The following KDM3B variants were observed in gnomAD, a reference collection of about 807,000 sequenced individuals.
KDM3B encodes lysine-specific demethylase 3B.
A neutral mutation model predicts 170.0 loss-of-function variants in KDM3B; 10 were observed. The ratio of observed to expected loss-of-function variants is 0.06; its 90% CI spans 0.04 to 0.10. KDM3B has a LOEUF of 0.10. Among genes scored for constraint, KDM3B ranks in the 10% least tolerant of loss-of-function variants. The pLI, the probability that KDM3B is intolerant of heterozygous loss-of-function variation, is 1.00. For synonymous variants in KDM3B, 831 were observed against 834.8 expected, an observed-to-expected ratio of 1.00 and a Z score of 0.08; for missense variants, 1,394 against 2,195.2, an observed-to-expected ratio of 0.64 and a Z score of 7.29.
At chr5:138,431,397 T>G in intron 22 of KDM3B, 28 bp from the exon 23 acceptor site, 1 of 1,544,072 alleles carries the variant, frequency 6.5e-7, no homozygotes, top group Non-Finnish European at 8.8e-7. Context: ...ATGTCTGATA[T>G]TTCTCCTCTG....
At chr5:138,407,882 A>G (rs1332409327) in intron 11 of KDM3B, among the ~76,000 whole-genome samples, 1 of 152,200 alleles carries the variant, frequency 6.6e-6, no homozygotes, top group Non-Finnish European at 1.5e-5. Flanking sequence ...AGAGCGGGGA[A>G]TGATACAGGT....
At chr5:138,362,116 T>TC (rs1425440169) in intron 1 of KDM3B, among the ~76,000 whole-genome samples, 1 of 152,038 alleles carries the variant, frequency 6.6e-6, no homozygotes, top group Non-Finnish European at 1.5e-5. Context: ...GGCCAGGAGT[T>TC]CGAGACCAGT....
rs756719252 is a variant in KDM3B, at chr5:138,386,363, A to C, written c.1122A>C (p.Val374=). 5.6e-6 allele frequency: 9 copies of C among 1,614,212 alleles called. No homozygotes were observed. In the Admixed American group the frequency reaches 1.5e-4, roughly 27 times the overall value. The change falls in exon 7 of 24, where the codon GTA becomes GTC. Residue 374 remains valine, a synonymous_variant. Transcript: ENST00000314358. ...CTCTGGTGGTGCAGGATGAGCCTGT[A>C]GGTGGGGACACACCTGCATCTTTCA... ...GRTLVVQDEP[V]GGDTPASFTP... is the part of the protein sequence containing the mutation.
intron 16 of KDM3B, 83 bp downstream of exon 16, chr5:138,424,424 G>T: frequency 1.4e-6 from 2 of 1,473,632 alleles, no homozygotes; most frequent in Non-Finnish European, 1.8e-6. Context: ...CTCTCTTTTT[G>T]CCAGGGAGAT....
chr5:138,352,902 G>A lies in KDM3B; in HGVS notation c.107G>A (p.Gly36Glu). 1 of 1,374,916 alleles carries A rather than the reference G, an allele frequency of 7.3e-7. No individual in the cohort carries two copies. The highest frequency in any genetic ancestry group is 9.4e-7 in the Non-Finnish European group (1 of 1,062,176). The allele number at this position is 1,374,916 out of a possible 1,614,324, so 85.2% of individuals were successfully genotyped here. Reference sequence around the variant, plus strand: ...GCTCCCGCGGCGGCAGCGGCGAGCGGAGATCCGGGGCCTGCGCTGCGCACT... The same window carrying A: ...GCTCCCGCGGCGGCAGCGGCGAGCGAAGATCCGGGGCCTGCGCTGCGCACT... ...ASAPAAAAASGDPGPALRTRA... is the reference protein window; with the variant it reads ...ASAPAAAAASEDPGPALRTRA... The change falls in exon 1 of 24, where the codon GGA becomes GAA. Residue 36 changes from glycine to glutamate, a missense_variant. Transcript: ENST00000314358.
At chr5:138,400,888 T>A (rs145399485) in intron 11 of KDM3B, among the ~76,000 whole-genome samples, 193 of 142,106 alleles carry the variant, frequency 1.4e-3, no homozygotes, top group African/African-American at 4.8e-3. Flanking sequence ...ACTAGTCCAC[T>A]TTTTTCTCTT....
chr5:138,381,377 T>C, intron 5 of KDM3B, 139 bp from the exon 6 acceptor site: 1 of 610,492 alleles, frequency 1.6e-6, no homozygotes, highest in Non-Finnish European at 2.9e-6. Flanking sequence ...AATGAGACAG[T>C]AGAGATCTCT....
intron 6 of KDM3B, among the ~76,000 whole-genome samples, chr5:138,383,036 A>G (rs1384793386): frequency 6.6e-6 from 1 of 152,180 alleles, no homozygotes; most frequent in Non-Finnish European, 1.5e-5. Flanking sequence ...GCTCACTGTA[A>G]GTAGGACTTA....
chr5:138,428,947 T>A, intron 20 of KDM3B, among the ~76,000 whole-genome samples: 1 of 140,742 alleles, frequency 7.1e-6, no homozygotes, highest in Non-Finnish European at 1.5e-5. Context: ...TTTCTTTTTT[T>A]TTTTTTTTTT....
rs1310671846 is a variant in KDM3B, at chr5:138,391,347, G to C, written c.1715G>C (p.Arg572Thr). 1 of 1,614,206 alleles carries C rather than the reference G, an allele frequency of 6.2e-7. No individual in the cohort carries two copies. Among genetic ancestry groups the C allele is most frequent in the East Asian group, 2.2e-5 (1 of 44,888 alleles). ...CTGAGCTCAGGCCTGTGTAAAGGCAGATCCGTTCTTGGAACAGACACTAAG... is the reference window on the plus strand; with the variant it reads ...CTGAGCTCAGGCCTGTGTAAAGGCACATCCGTTCTTGGAACAGACACTAAG... ...ESLSSGLCKG[R>T]SVLGTDTKPG... Residue 572 changes from arginine (R) to threonine (T), a missense_variant, in exon 8 of 24, where the codon AGA becomes ACA. By Grantham distance (71) the Arg-to-Thr change is moderately conservative. This residue lies in a region of KDM3B where 294 missense variants were observed against 311.7 expected (regional missense o/e 0.94). Transcript: ENST00000314358. This position sits in a 1 kb window ranked among gnomAD's most constrained non-coding sequence, Gnocchi z 5.0.
intron 23 of KDM3B, among the ~76,000 whole-genome samples, 174 bp from the exon 24 acceptor site, chr5:138,435,446 T>C (rs1318619378): frequency 6.6e-6 from 1 of 152,212 alleles, no homozygotes; most frequent in African/African-American, 2.4e-5. Flanking sequence ...CATTATTCTT[T>C]TTTGAGTACA....
At chr5:138,433,409 GTTT>G (rs370681826) in intron 23 of KDM3B, among the ~76,000 whole-genome samples, 2 of 126,550 alleles carry the variant, frequency 1.6e-5, no homozygotes, top group African/African-American at 5.8e-5. Context: ...CACTGCGGCT[GTTT>G]TTTTTTTTTT....
At chr5:138,398,524 C>A in intron 10 of KDM3B, 132 bp downstream of exon 10, 1 of 717,284 alleles carries the variant, frequency 1.4e-6, no homozygotes, top group Non-Finnish European at 2.4e-6. Context: ...TAAGACTTCT[C>A]TTTGTAGCAA....
Position 138,436,390 on chromosome 5 carries a change from G to A in KDM3B, c.*690G>A, listed in dbSNP as rs144109235. On this transcript the variant is annotated 3_prime_UTR_variant, in exon 24 of 24. Transcript: ENST00000314358. Reference sequence around the variant, plus strand: ...CCACAGTTGTTTTCCTGGATTATAAGGAAAGGCACATTACATTTAGTCTTC... The same window carrying A: ...CCACAGTTGTTTTCCTGGATTATAAAGAAAGGCACATTACATTTAGTCTTC... 1.3e-5 allele frequency: 2 copies of A among 152,220 alleles called. No individual in the cohort carries two copies. Among genetic ancestry groups the A allele is most frequent in the African/African-American group, 4.8e-5 (2 of 41,532 alleles). The allele number at this position is 152,220 out of a possible 1,614,324, so 9.4% of individuals were successfully genotyped here.
Position 138,352,692 on chromosome 5 carries a change from G to C in KDM3B, c.-104G>C. ...GTTGGGGGGGGTGGGGGGGAACGGCGGCCGCGGGTGGTGCGGAGGGAGGCC... is the reference window on the plus strand; with the variant it reads ...GTTGGGGGGGGTGGGGGGGAACGGCCGCCGCGGGTGGTGCGGAGGGAGGCC... On this transcript the variant is annotated 5_prime_UTR_variant, in exon 1 of 24. Coordinates refer to ENST00000314358, the MANE Select transcript of KDM3B (RefSeq NM_016604.4). The C allele has an allele frequency of 2.2e-6, 2 of 927,628 alleles. No individual in the cohort carries two copies. Among genetic ancestry groups the C allele is most frequent in the Non-Finnish European group, 1.4e-6 (1 of 732,518 alleles). 57.5% of individuals were successfully genotyped at this position (927,628 alleles called of 1,614,324 possible).
At chr5:138,422,857 G>T (rs7737081) in intron 15 of KDM3B, among the ~76,000 whole-genome samples, 90,734 of 151,558 alleles carry the variant, frequency 0.6, 27,447 homozygotes, top group East Asian at 0.85. Context: ...TTTCTTCTTG[G>T]GTTTTATGAC....
intron 7 of KDM3B, among the ~76,000 whole-genome samples, chr5:138,389,784 G>C (rs867150480): frequency 8.4e-4 from 124 of 146,998 alleles, no homozygotes; most frequent in African/African-American, 2.5e-3. Context: ...CTCTCTCTCT[G>C]TGTGTGTGTG....
At chr5:138,430,101 C>T in intron 21 of KDM3B, 136 bp downstream of exon 21, 1 of 1,390,942 alleles carries the variant, frequency 7.2e-7, no homozygotes, top group Non-Finnish European at 9.7e-7. Flanking sequence ...GTGGAAAAGC[C>T]CAAAGGCTTG....
At chr5:138,388,641 TAAAAAA>T (rs60280463) in intron 7 of KDM3B, among the ~76,000 whole-genome samples, 1 of 84,644 alleles carries the variant, frequency 1.2e-5, no homozygotes, top group Admixed American at 1.4e-4. Flanking sequence ...ACTCCGTCTT[TAAAAAA>T]AAAAAAAAAA....
Sources: allele counts gnomAD v4.1 joint callset (sites outside exome capture counted in the v4.1 genomes callset), GRCh38; gene constraint gnomAD v4.1.1; regional missense constraint gnomAD v4.1.1; non-coding constraint Gnocchi (gnomAD v3.1); transcripts MANE v1.5; gene names NCBI Gene and HGNC (gene_info 2026-07-23, HGNC 2026-07-21).